Variants in KCNH7 observed in about 807,000 individuals in gnomAD.
KCNH7 encodes the protein potassium voltage-gated channel subfamily H member 7.
A neutral mutation model predicts 120.8 loss-of-function variants in KCNH7; 49 were observed. That is an observed-to-expected ratio of 0.41 (90% confidence interval 0.32 to 0.51). KCNH7 has a LOEUF of 0.51. Among genes scored for constraint, KCNH7 ranks in the 20% least tolerant of loss-of-function variants. The pLI, the probability that KCNH7 is intolerant of heterozygous loss-of-function variation, is 0.38. For synonymous variants in KCNH7, 547 were observed against 516.1 expected (o/e 1.06, Z -0.81); for missense variants, 1,097 against 1,446.6 (o/e 0.76, Z 3.92).
chr2:162,664,207 T>C (rs534159959), intron 2 of KCNH7, among the ~76,000 whole-genome samples: 23 of 152,310 alleles, frequency 1.5e-4, no homozygotes, highest in African/African-American at 5.1e-4. Flanking sequence ...ACAAATGTTA[T>C]TGACCCTTTC....
At chr2:162,376,521 C>T (rs1330712474) in intron 14 of KCNH7, among the ~76,000 whole-genome samples, 1 of 152,006 alleles carries the variant, frequency 6.6e-6, no homozygotes, top group Non-Finnish European at 1.5e-5. Context: ...CCCGCCACCA[C>T]TCCCAGCTAA....
At chr2:162,825,487 A>AATAT (rs1329807086) in intron 2 of KCNH7, among the ~76,000 whole-genome samples, 1 of 152,014 alleles carries the variant, frequency 6.6e-6, no homozygotes, top group African/African-American at 2.4e-5. Flanking sequence ...TGTGCAGTTA[A>AATAT]ATATATACCT....
At chr2:162,772,084 T>C (rs1683076349) in intron 2 of KCNH7, 1 of 152,170 alleles carries the variant, frequency 6.6e-6, no homozygotes, top group Non-Finnish European at 1.5e-5. Flanking sequence ...CACTGCTGAA[T>C]CTGTTCTACC....
At chr2:162,654,113 CT>C (rs1191718231) in intron 2 of KCNH7, among the ~76,000 whole-genome samples, 1 of 149,774 alleles carries the variant, frequency 6.7e-6, no homozygotes, top group Non-Finnish European at 1.5e-5. Flanking sequence ...TGAAATGACC[CT>C]AAAAACACAA....
chr2:162,385,814 G>C (rs1389856680), intron 12 of KCNH7, among the ~76,000 whole-genome samples: 5 of 151,804 alleles, frequency 3.3e-5, no homozygotes, highest in African/African-American at 1.2e-4. Flanking sequence ...TGCTTACTTG[G>C]TTATTTATAG....
In KCNH7 at chr2:162,373,609, T is replaced by C; in HGVS notation, c.3185A>G (p.Lys1062Arg). 1 of 1,568,508 alleles carries C rather than the reference T, an allele frequency of 6.4e-7. No individual in the cohort carries two copies. Among genetic ancestry groups the C allele is most frequent in the Non-Finnish European group, 8.6e-7 (1 of 1,156,120 alleles). Residue 1062 changes from lysine (K) to arginine (R), a missense_variant, in exon 15 of 16, where the codon AAA becomes AGA. Physicochemically the swap from Lys to Arg is conservative, Grantham distance 26 (BLOSUM62 2). Coordinates refer to ENST00000332142, the MANE Select transcript of KCNH7 (RefSeq NM_033272.4). Reference protein sequence around the residue: ...DIQTILQLLQKQTTVVPPAYS... With the variant: ...DIQTILQLLQRQTTVVPPAYS... Reference sequence around the variant, plus strand: ...GGCTGGGGGGACCACAGTGGTTTGTTTCTGCAGCAACTGTAAGATGGTCTG... The same window carrying C: ...GGCTGGGGGGACCACAGTGGTTTGTCTCTGCAGCAACTGTAAGATGGTCTG...
chr2:162,695,850 G>C (rs540262813), intron 2 of KCNH7, among the ~76,000 whole-genome samples: 9 of 152,212 alleles, frequency 5.9e-5, no homozygotes, highest in African/African-American at 2.2e-4. Context: ...CCATATAAAA[G>C]TGGGGTAAAG....
At chr2:162,457,136 G>A (rs1166221091) in intron 6 of KCNH7, among the ~76,000 whole-genome samples, 2 of 152,004 alleles carry the variant, frequency 1.3e-5, no homozygotes, top group African/African-American at 4.8e-5. Context: ...TGAAAATGAA[G>A]CACTAACAAA....
At chr2:162,493,638 C>T (rs963626425) in intron 6 of KCNH7, among the ~76,000 whole-genome samples, 3 of 152,158 alleles carry the variant, frequency 2.0e-5, no homozygotes, top group Admixed American at 2.0e-4. Context: ...CAGATCTTAT[C>T]TGTGCCTAGT....
intron 2 of KCNH7, among the ~76,000 whole-genome samples, chr2:162,757,548 CA>C (rs777209188): frequency 6.6e-6 from 1 of 151,908 alleles, no homozygotes; most frequent in East Asian, 1.9e-4. Context: ...GTAATCCCCA[CA>C]AAAAAATGTA....
At chr2:162,684,093 T>C (rs1685801570) in intron 2 of KCNH7, among the ~76,000 whole-genome samples, 1 of 152,098 alleles carries the variant, frequency 6.6e-6, no homozygotes, top group Non-Finnish European at 1.5e-5. Context: ...AAACAAGCAA[T>C]GGGGAAAGGA....
At chr2:162,725,311 T>G (rs1687475522) in intron 2 of KCNH7, among the ~76,000 whole-genome samples, 1 of 152,178 alleles carries the variant, frequency 6.6e-6, no homozygotes, top group South Asian at 2.1e-4. Flanking sequence ...AATTTTTTTT[T>G]GCAAATTATG....
At chr2:162,522,728 C>T (rs927649360) in intron 3 of KCNH7, among the ~76,000 whole-genome samples, 1 of 151,794 alleles carries the variant, frequency 6.6e-6, no homozygotes, top group African/African-American at 2.4e-5. Context: ...TTTGCACATA[C>T]TTTTACACAT....
chr2:162,539,136 T>C (rs1392174344), intron 2 of KCNH7, among the ~76,000 whole-genome samples: 3 of 152,090 alleles, frequency 2.0e-5, no homozygotes, highest in African/African-American at 7.2e-5. Flanking sequence ...GGGATGACTT[T>C]AGTAAACAGA....
At chr2:162,428,643 A>T (rs1383497593) in intron 8 of KCNH7, among the ~76,000 whole-genome samples, 1 of 151,926 alleles carries the variant, frequency 6.6e-6, no homozygotes, top group African/African-American at 2.4e-5. Flanking sequence ...AACTATAATT[A>T]TGAATTTGTC....
intron 2 of KCNH7, among the ~76,000 whole-genome samples, chr2:162,576,045 T>C (rs1330788520): frequency 2.0e-5 from 3 of 152,064 alleles, no homozygotes; most frequent in East Asian, 3.9e-4. Flanking sequence ...CCCATGAGTA[T>C]TGAAGAGGTC....
intron 2 of KCNH7, among the ~76,000 whole-genome samples, chr2:162,610,203 A>C (rs1682920440): frequency 6.6e-6 from 1 of 152,216 alleles, no homozygotes; most frequent in Non-Finnish European, 1.5e-5. Flanking sequence ...GAAAAAGTAC[A>C]TTATAGCAAT....
intron 2 of KCNH7, among the ~76,000 whole-genome samples, chr2:162,682,505 G>A (rs572944084): frequency 6.6e-6 from 1 of 151,658 alleles, no homozygotes; most frequent in African/African-American, 2.4e-5. Flanking sequence ...CAAAGTCATA[G>A]TTTAGATACT....
At chr2:162,488,041 G>A (rs1379289661) in intron 6 of KCNH7, among the ~76,000 whole-genome samples, 3 of 152,180 alleles carry the variant, frequency 2.0e-5, no homozygotes, top group Non-Finnish European at 4.4e-5. Flanking sequence ...CAGGCCAGGA[G>A]GGCAAAGGAG....
Sources: allele counts gnomAD v4.1 joint callset (sites outside exome capture counted in the v4.1 genomes callset), GRCh38; gene constraint gnomAD v4.1.1; transcripts MANE v1.5; gene names NCBI Gene and HGNC (gene_info 2026-07-23, HGNC 2026-07-21).